Variants in PCDHGA11 observed in about 807,000 individuals in gnomAD.
PCDHGA11 encodes protocadherin gamma-A11.
Under a neutral mutation model 60.4 loss-of-function variants are expected in PCDHGA11, and 39 were observed. The observed-to-expected ratio is 0.65, with a 90% CI of 0.50 to 0.84. The LOEUF (loss-of-function observed/expected upper bound fraction) is 0.84, where lower values mean the gene tolerates loss of function less well. Among genes scored for constraint, PCDHGA11 ranks in the 40% least tolerant of loss-of-function variants. The pLI is 0.00. For missense variants in PCDHGA11, 1,165 were observed against 1,197.7 expected (o/e 0.97, Z 0.40); for synonymous variants, 533 against 510.3 (o/e 1.04, Z -0.60).
chr5:141,486,400 T>G lies in PCDHGA11; in HGVS notation c.2434-8407T>G. On this transcript the variant is annotated intron_variant, in intron 1 of 3. Transcript: ENST00000398587. This position sits in a 1 kb window ranked among gnomAD's most constrained non-coding sequence, Gnocchi z 5.0. Reference sequence around the variant, plus strand: ...TCAGGAACCAGTTCTCCCTGGTGACTGCTGGACCCTTGGATCGAGAGGCCA... The same window carrying G: ...TCAGGAACCAGTTCTCCCTGGTGACGGCTGGACCCTTGGATCGAGAGGCCA... 5.0e-6 allele frequency: 8 copies of G among 1,614,194 alleles called. No homozygotes were observed. The highest frequency in any genetic ancestry group is 6.8e-6 in the Non-Finnish European group (8 of 1,180,028).
At chr5:141,500,340 C>A (rs188966393) in intron 2 of PCDHGA11, among the ~76,000 whole-genome samples, 92 of 152,066 alleles carry the variant, frequency 6.0e-4, no homozygotes, top group African/African-American at 2.1e-3. Flanking sequence ...TCCAGAATAG[C>A]TGGGACTACA....
At chr5:141,441,279 C>T (rs3792898) in intron 1 of PCDHGA11, 17,193 of 152,116 alleles carry the variant, frequency 0.11, 1,155 homozygotes, top group African/African-American at 0.18. Context: ...CGGGAGAAAA[C>T]GAGGTCACAT....
In PCDHGA11 at chr5:141,486,531, C is replaced by T; in HGVS notation, c.2434-8276C>T. The T allele has an allele frequency of 6.2e-7, 1 of 1,614,062 alleles. No homozygotes were observed. Among genetic ancestry groups the T allele is most frequent in the Non-Finnish European group, 8.5e-7 (1 of 1,180,020 alleles). Reference sequence around the variant, plus strand: ...ATTTCAGATGTGAATGATAATCCACCCTCTTTCTTTCAGAGGTCACATGAG... The same window carrying T: ...ATTTCAGATGTGAATGATAATCCACTCTCTTTCTTTCAGAGGTCACATGAG... On this transcript the variant is annotated intron_variant, in intron 1 of 3. Transcript: ENST00000398587. This position sits in a 1 kb window ranked among gnomAD's most constrained non-coding sequence, Gnocchi z 5.0.
chr5:141,429,729 A>G (rs1362403236), intron 1 of PCDHGA11, among the ~76,000 whole-genome samples: 1 of 152,240 alleles, frequency 6.6e-6, no homozygotes, highest in African/African-American at 2.4e-5. Flanking sequence ...GAAAGTACGT[A>G]GCCAGTTATT....
In PCDHGA11 at chr5:141,476,254, T is replaced by C; in HGVS notation, c.2434-18553T>C. 1.2e-6 allele frequency: 2 copies of C among 1,613,820 alleles called. No individual in the cohort carries two copies. Among genetic ancestry groups the C allele is most frequent in the Non-Finnish European group, 8.5e-7 (1 of 1,179,976 alleles). On this transcript the variant is annotated intron_variant, in intron 1 of 3. Transcript: ENST00000398587. The surrounding 1 kb of genome is among the most constrained non-coding windows in gnomAD (Gnocchi z 7.6). ...CGGAGGAAAGAGAGAAGGGTTTCGCTGTGGGCAACGTGGTCGCGAACCTTG... is the reference window on the plus strand; with the variant it reads ...CGGAGGAAAGAGAGAAGGGTTTCGCCGTGGGCAACGTGGTCGCGAACCTTG...
Position 141,490,479 on chromosome 5 carries a change from C to A in PCDHGA11, c.2434-4328C>A. 6.2e-7 allele frequency: 1 copy of A among 1,614,216 alleles called. No homozygotes were observed. Among genetic ancestry groups the A allele is most frequent in the South Asian group, 1.1e-5 (1 of 91,086 alleles). On this transcript the variant is annotated intron_variant, in intron 1 of 3. Transcript: ENST00000398587. The surrounding 1 kb of genome is among the most constrained non-coding windows in gnomAD (Gnocchi z 5.4). ...CGCTGCTAACCAGCCAGCCTTTGGA[C>A]CGGGAGGCCACATCCCACTATATCA...
At chr5:141,481,919 A>C (rs1488201177) in intron 1 of PCDHGA11, among the ~76,000 whole-genome samples, 1 of 151,214 alleles carries the variant, frequency 6.6e-6, no homozygotes, top group Non-Finnish European at 1.5e-5. Context: ...ATCTCAAAAA[A>C]AAAAAAAAAA....
In PCDHGA11 at chr5:141,510,834, G is replaced by A. The variant is rs1043468083; in HGVS notation, c.2582-113G>A. 49 of 1,581,762 alleles carry A rather than the reference G, an allele frequency of 3.1e-5. 1 individual carries two copies. The highest frequency in any genetic ancestry group is 4.0e-5 in the Non-Finnish European group (46 of 1,161,670). On this transcript the variant is annotated intron_variant, in intron 3 of 3. Coordinates refer to ENST00000398587, the MANE Select transcript of PCDHGA11 (RefSeq NM_018914.3). ...GACCCCTATATTCCCAGTGCTCAGC[G>A]TGGTCAAGGCCCAGGGTGCTGTATA...
At position 141,421,156 on chromosome 5, in the gene PCDHGA11, C is replaced by T; in HGVS notation, c.-72C>T. On this transcript the variant is annotated 5_prime_UTR_variant, in exon 1 of 4. Transcript: ENST00000398587. ...TATTTTGGATGTAGTCGGCCTAGGA[C>T]TTCATAGATACATAAGCCGATTCAC... 1 of 1,197,694 alleles carries T rather than the reference C, an allele frequency of 8.3e-7. No individual in the cohort carries two copies. The highest frequency in any genetic ancestry group is 1.1e-6 in the Non-Finnish European group (1 of 873,886). The allele number at this position is 1,197,694 out of a possible 1,614,324, so 74.2% of individuals were successfully genotyped here.
intron 1 of PCDHGA11, among the ~76,000 whole-genome samples, chr5:141,467,486 T>A (rs985186472): frequency 6.6e-6 from 1 of 152,242 alleles, no homozygotes; most frequent in Non-Finnish European, 1.5e-5. Flanking sequence ...GGTTTCCACA[T>A]TTAGATCCCT....
In PCDHGA11 at chr5:141,448,944, C is replaced by CAAAA. The variant is rs560691811; in HGVS notation, c.2433+25288_2433+25291dup. Among the ~76,000 whole-genome samples, 218 of 152,004 alleles carry CAAAA rather than the reference C, an allele frequency of 1.4e-3. 1 individual carries two copies. The highest frequency in any genetic ancestry group is 5.1e-3 in the African/African-American group (213 of 41,464). On this transcript the variant is annotated intron_variant, in intron 1 of 3. Coordinates refer to ENST00000398587, the MANE Select transcript of PCDHGA11 (RefSeq NM_018914.3). ...TGGGCGACAGAGCAAGACTGCAACTCAAAAAAACAAACAAACAAACAAAAA... is the reference window on the plus strand; with the variant it reads ...TGGGCGACAGAGCAAGACTGCAACTCAAAAAAAAAAACAAACAAACAAACAAAAA...
Position 141,427,801 on chromosome 5 carries a change from G to T in PCDHGA11, c.2433+4141G>T, listed in dbSNP as rs755067099. On this transcript the variant is annotated intron_variant, in intron 1 of 3. Coordinates refer to ENST00000398587, the MANE Select transcript of PCDHGA11 (RefSeq NM_018914.3). ...GCACTGTCGTCCTACGTGTCCGTGA[G>T]CGCACAGAGCGGGGTGGTGGTCGCG... 6 of 1,510,138 alleles carry T rather than the reference G, an allele frequency of 4.0e-6. No homozygotes were observed. In the African/African-American group the frequency reaches 8.2e-5, roughly 21 times the overall value. 93.5% of individuals were successfully genotyped at this position (1,510,138 alleles called of 1,614,324 possible). A position where few individuals can be genotyped will look rare whatever the true frequency, so the allele number is the denominator to read the frequency against.
chr5:141,432,031 C>T lies in PCDHGA11; in HGVS notation c.2433+8371C>T. The T allele has an allele frequency of 6.2e-7, 1 of 1,614,220 alleles. No individual in the cohort carries two copies. Among genetic ancestry groups the T allele is most frequent in the Non-Finnish European group, 8.5e-7 (1 of 1,180,048 alleles). ...CTAGCTACAACATCACAGTGACCGC[C>T]ACTGACCGGGGAACCCCGCCCCTAT... On this transcript the variant is annotated intron_variant, in intron 1 of 3. Coordinates refer to ENST00000398587, the MANE Select transcript of PCDHGA11 (RefSeq NM_018914.3). This position sits in a 1 kb window ranked among gnomAD's most constrained non-coding sequence, Gnocchi z 6.0.
rs1591227595 is a variant in PCDHGA11 at position 141,432,858 on chromosome 5, T to C, written c.2433+9198T>C. ...TACCTGGTGGTAGCGGTGGCCGCGG[T>C]CTCCTGCGTCTTCCTGGCCTTCGTC... On this transcript the variant is annotated intron_variant, in intron 1 of 3. Coordinates refer to ENST00000398587, the MANE Select transcript of PCDHGA11 (RefSeq NM_018914.3). This position sits in a 1 kb window ranked among gnomAD's most constrained non-coding sequence, Gnocchi z 6.0. The C allele has an allele frequency of 1.2e-6, 2 of 1,614,140 alleles. No individual in the cohort carries two copies. Among genetic ancestry groups the C allele is most frequent in the Non-Finnish European group, 8.5e-7 (1 of 1,179,996 alleles).
chr5:141,491,450 C>G lies in PCDHGA11; in HGVS notation c.2434-3357C>G. ...CAGTGCTGCAGGCGCCAGGACTCAC[C>G]CTCCCCGGACTTCTATAAGCAGTCC... On this transcript the variant is annotated intron_variant, in intron 1 of 3. Transcript: ENST00000398587. The surrounding 1 kb of genome is among the most constrained non-coding windows in gnomAD (Gnocchi z 6.9). The G allele has an allele frequency of 1.2e-6, 2 of 1,614,110 alleles. No homozygotes were observed. Among genetic ancestry groups the G allele is most frequent in the Non-Finnish European group, 1.7e-6 (2 of 1,180,044 alleles).
Position 141,493,858 on chromosome 5 carries a change from C to A in PCDHGA11, c.2434-949C>A, listed in dbSNP as rs2099750481. Among the ~76,000 whole-genome samples, 1 of 152,184 alleles carries A rather than the reference C, an allele frequency of 6.6e-6. No homozygotes were observed. The highest frequency in any genetic ancestry group is 1.5e-5 in the Non-Finnish European group (1 of 68,030). On this transcript the variant is annotated intron_variant, in intron 1 of 3. Transcript: ENST00000398587. The surrounding 1 kb of genome is among the most constrained non-coding windows in gnomAD (Gnocchi z 4.3). ...AGTATGAGTATTAATTACCAGCCCA[C>A]CCCAGAACCAGTGAGGAGGTGGCTC...
Position 141,487,401 on chromosome 5 carries a change from T to C in PCDHGA11, c.2434-7406T>C, listed in dbSNP as rs2099644244. The C allele has an allele frequency of 6.2e-7, 1 of 1,614,134 alleles. No individual in the cohort carries two copies. The highest frequency in any genetic ancestry group is 1.3e-5 in the African/African-American group (1 of 75,046). On this transcript the variant is annotated intron_variant, in intron 1 of 3. Transcript: ENST00000398587. This position sits in a 1 kb window ranked among gnomAD's most constrained non-coding sequence, Gnocchi z 5.0. ...ACCAGATCTCGAAGGAGGGAGGGGCTTCCCCCTTCCAATGGGATCCTCCGA... is the reference window on the plus strand; with the variant it reads ...ACCAGATCTCGAAGGAGGGAGGGGCCTCCCCCTTCCAATGGGATCCTCCGA...
Position 141,489,819 on chromosome 5 carries a change from G to T in PCDHGA11, c.2434-4988G>T. On this transcript the variant is annotated intron_variant, in intron 1 of 3. Transcript: ENST00000398587. This position sits in a 1 kb window ranked among gnomAD's most constrained non-coding sequence, Gnocchi z 4.5. ...TAAAAGATGGGAAGCCATTCCCAGA[G>T]CTGGTGCTAGAGCAGCAGCTGGATC... 6.2e-7 allele frequency: 1 copy of T among 1,614,190 alleles called. No homozygotes were observed.
chr5:141,447,979 G>A (rs888759756), intron 1 of PCDHGA11, among the ~76,000 whole-genome samples: 15 of 151,814 alleles, frequency 9.9e-5, no homozygotes, highest in Admixed American at 5.9e-4. Context: ...CCAGCTACTC[G>A]GGAGGCTGAG....
Sources: gnomAD v4.1 joint callset for allele counts (sites outside exome capture counted in the v4.1 genomes callset) on GRCh38, gnomAD v4.1.1 for gene constraint, Gnocchi (gnomAD v3.1) non-coding constraint, MANE v1.5 for transcripts, NCBI Gene and HGNC (gene_info 2026-07-23, HGNC 2026-07-21) for gene names.